SCAMP1: variants seen among roughly 807,000 people sequenced by gnomAD.
SCAMP1 encodes the protein secretory carrier membrane protein 1.
SCAMP1 carries 15 observed loss-of-function variants against 41.8 expected under a neutral mutation model. That is an observed-to-expected ratio of 0.36 (90% CI 0.24 to 0.55). SCAMP1 has a LOEUF of 0.55. SCAMP1 is among the 20% of genes least tolerant of loss of function. The pLI is 0.86. For synonymous variants in SCAMP1, 135 were observed against 136.8 expected (o/e 0.99, Z 0.09); for missense variants, 341 against 412.6 (o/e 0.83, Z 1.50).
intron 6 of SCAMP1, among the ~76,000 whole-genome samples, chr5:78,439,409 A>G (rs557639799): frequency 2.3e-4 from 35 of 149,708 alleles, no homozygotes; most frequent in African/African-American, 8.4e-4. Context: ...AGGCAGGCCT[A>G]GTGATGACAA....
chr5:78,468,672 GTTATT>G (rs1753801045), intron 8 of SCAMP1, among the ~76,000 whole-genome samples: 1 of 152,052 alleles, frequency 6.6e-6, no homozygotes. Context: ...TTAGAAAAAA[GTTATT>G]TTACCTCTTT....
chr5:78,434,842 A>G lies in SCAMP1; in HGVS notation c.632+12882A>G, dbSNP rs544655496. The stretch of plus-strand genomic sequence containing the variant: ...TACTGTTACAGTATTTGAGGTTTAT[A>G]ATAAGTATAAAAATAACATAAGAGG... On this transcript the variant is annotated intron_variant, in intron 6 of 8. Transcript: ENST00000621999. Among the ~76,000 whole-genome samples, 26 of 152,340 alleles carry G rather than the reference A, an allele frequency of 1.7e-4. No homozygotes were observed. In the South Asian group the frequency reaches 5.0e-3, roughly 29 times the overall value.
At chr5:78,456,413 G>A (rs1190996800) in intron 7 of SCAMP1, among the ~76,000 whole-genome samples, 1 of 152,048 alleles carries the variant, frequency 6.6e-6, no homozygotes, top group Non-Finnish European at 1.5e-5. Flanking sequence ...TTGCTTGTTT[G>A]TAAAGTATTT....
chr5:78,445,856 G>T (rs745697272), intron 6 of SCAMP1, among the ~76,000 whole-genome samples: 1 of 152,206 alleles, frequency 6.6e-6, no homozygotes, highest in Admixed American at 6.5e-5. Flanking sequence ...AGGAAGATTT[G>T]TGCTCTCTTG....
At chr5:78,391,760 C>G (rs1377092528) in intron 2 of SCAMP1, among the ~76,000 whole-genome samples, 1 of 152,214 alleles carries the variant, frequency 6.6e-6, no homozygotes, top group Non-Finnish European at 1.5e-5. Context: ...ATCCCGGCAC[C>G]TCAGAAGGCC....
chr5:78,424,908 G>C (rs1461264933), intron 6 of SCAMP1, among the ~76,000 whole-genome samples: 1 of 152,232 alleles, frequency 6.6e-6, no homozygotes, highest in Non-Finnish European at 1.5e-5. Context: ...AATGCTTAGT[G>C]ATCTTGGCTT....
At chr5:78,429,357 T>G (rs1280564913) in intron 6 of SCAMP1, among the ~76,000 whole-genome samples, 7 of 46,356 alleles carry the variant, frequency 1.5e-4, no homozygotes, top group Non-Finnish European at 2.9e-4. Flanking sequence ...TTTTTTTTTT[T>G]TTTTTAATTT....
At chr5:78,415,355 G>A (rs1471869809) in intron 2 of SCAMP1, among the ~76,000 whole-genome samples, 165 bp from the exon 3 acceptor site, 2 of 152,210 alleles carry the variant, frequency 1.3e-5, no homozygotes, top group Admixed American at 1.3e-4. Flanking sequence ...AGAAAATGGA[G>A]ATGGAGAATT....
intron 6 of SCAMP1, among the ~76,000 whole-genome samples, chr5:78,431,222 G>A (rs1752612772): frequency 6.6e-6 from 1 of 151,196 alleles, no homozygotes; most frequent in East Asian, 1.9e-4. Flanking sequence ...TATATAGCCT[G>A]CTCTTGTTGG....
At chr5:78,392,397 C>G (rs1005803519) in intron 2 of SCAMP1, among the ~76,000 whole-genome samples, 4 of 152,268 alleles carry the variant, frequency 2.6e-5, no homozygotes, top group African/African-American at 9.6e-5. Flanking sequence ...TTTCATTTTG[C>G]TAGTGCTATC....
intron 2 of SCAMP1, among the ~76,000 whole-genome samples, chr5:78,402,705 A>G (rs563273251): frequency 3.7e-4 from 56 of 152,260 alleles, no homozygotes; most frequent in Non-Finnish European, 7.1e-4. Context: ...TTTCTTATAG[A>G]CAACATATAG....
chr5:78,455,080 C>A (rs1291051325), intron 7 of SCAMP1, among the ~76,000 whole-genome samples: 1 of 150,532 alleles, frequency 6.6e-6, no homozygotes, highest in African/African-American at 2.4e-5. Flanking sequence ...CTCTTTTTTT[C>A]TTTATTAGTC....
At chr5:78,393,440 G>C (rs1751568697) in intron 2 of SCAMP1, among the ~76,000 whole-genome samples, 1 of 152,170 alleles carries the variant, frequency 6.6e-6, no homozygotes, top group Non-Finnish European at 1.5e-5. Flanking sequence ...CCAAAGTGCT[G>C]GGATTTTAGG....
intron 6 of SCAMP1, among the ~76,000 whole-genome samples, chr5:78,424,417 A>T (rs1428329988): frequency 6.6e-6 from 1 of 152,050 alleles, no homozygotes; most frequent in Non-Finnish European, 1.5e-5. Context: ...TCATTTTGTT[A>T]TTTATGTAGT....
chr5:78,459,098 G>A (rs994683824), intron 7 of SCAMP1, 147 bp from the exon 8 acceptor site: 2 of 607,802 alleles, frequency 3.3e-6, no homozygotes, highest in Non-Finnish European at 5.9e-6. Flanking sequence ...ATCCTATTGG[G>A]TGGGTTGTGA....
chr5:78,459,024 C>A (rs1753511817), intron 7 of SCAMP1, among the ~76,000 whole-genome samples: 1 of 152,094 alleles, frequency 6.6e-6, no homozygotes, highest in Admixed American at 6.6e-5. Context: ...AGCTGTGTGA[C>A]CTCGGGCAGA....
At chr5:78,473,859 G>C (rs1300383023) in intron 8 of SCAMP1, among the ~76,000 whole-genome samples, 8 of 151,998 alleles carry the variant, frequency 5.3e-5, no homozygotes, top group Non-Finnish European at 1.2e-4. Context: ...TAGTCCCTTT[G>C]GGCTGCTATA....
chr5:78,442,760 T>G (rs1054534802), intron 6 of SCAMP1, among the ~76,000 whole-genome samples: 1 of 152,258 alleles, frequency 6.6e-6, no homozygotes, highest in African/African-American at 2.4e-5. Flanking sequence ...GAGATTTTAG[T>G]TGTTATATTC....
rs1445611967 is a variant in SCAMP1 at position 78,391,520 on chromosome 5, C to T, written c.135+2606C>T. Among the ~76,000 whole-genome samples, 7 of 151,532 alleles carry T rather than the reference C, an allele frequency of 4.6e-5. No individual in the cohort carries two copies. In the East Asian group the frequency reaches 5.9e-4, roughly 13 times the overall value. ...GCGGAGACGCTCCTCACTTCCCAGA[C>T]GGGGTGGCTGCCGGGCGGAGGGGCT... On this transcript the variant is annotated intron_variant, in intron 2 of 8. Coordinates refer to ENST00000621999, the MANE Select transcript of SCAMP1 (RefSeq NM_004866.6).
Sources: allele counts gnomAD v4.1 joint callset (sites outside exome capture counted in the v4.1 genomes callset), GRCh38; gene constraint gnomAD v4.1.1; transcripts MANE v1.5; gene names NCBI Gene and HGNC (gene_info 2026-07-23, HGNC 2026-07-21).